CREBBP: variants seen among roughly 807,000 people sequenced by gnomAD.
CREBBP encodes the protein CREB-binding protein.
Under a neutral mutation model 265.0 loss-of-function variants are expected in CREBBP, and 19 were observed. The ratio of observed to expected loss-of-function variants is 0.07; its 90% CI spans 0.05 to 0.11. The LOEUF (loss-of-function observed/expected upper bound fraction) is 0.11. Ranked by LOEUF, CREBBP falls within the 10% of genes least tolerant of loss-of-function variation. The pLI, the probability that CREBBP is intolerant of heterozygous loss-of-function variation, is 1.00. For synonymous variants in CREBBP, 1,457 were observed against 1,223.7 expected (o/e 1.19, Z -3.98); for missense variants, 2,525 against 3,219.0 (o/e 0.78, Z 5.22).
Position 3,781,304 on chromosome 16 carries a change from T to G in CREBBP, c.1576A>C (p.Asn526His), listed in dbSNP as rs1161581600. The change falls in exon 7 of 31, where the codon AAT becomes CAT. Residue 526 changes from asparagine to histidine, a missense_variant and splice_region_variant. Coordinates refer to ENST00000262367, the MANE Select transcript of CREBBP (RefSeq NM_004380.3). ...CCTGCTGGAATGTTCATTGGATTAT[T>G]TCCTTTAAAGACAGAAAAGAAATCA... is the stretch of plus-strand genomic sequence containing the variant. ...QQMRTLNPLG[N>H]NPMNIPAGGI... is the part of the protein sequence containing the mutation. 2 of 1,612,834 alleles carry G rather than the reference T, an allele frequency of 1.2e-6. No homozygotes were observed. The highest frequency in any genetic ancestry group is 1.7e-6 in the Non-Finnish European group (2 of 1,179,090).
chr16:3,842,794 G>C (rs910898302), intron 2 of CREBBP, among the ~76,000 whole-genome samples: 5 of 151,674 alleles, frequency 3.3e-5, no homozygotes, highest in African/African-American at 1.2e-4. Context: ...GTGAAACCCC[G>C]TCTCTACTAA....
intron 2 of CREBBP, among the ~76,000 whole-genome samples, chr16:3,844,361 T>C (rs1036403056): frequency 6.6e-6 from 1 of 152,152 alleles, no homozygotes; most frequent in Non-Finnish European, 1.5e-5. Flanking sequence ...TTTGATATTA[T>C]AAAACCTACA....
Position 3,731,420 on chromosome 16 carries a change from G to A in CREBBP, c.4944C>T (p.Pro1648=), listed in dbSNP as rs375829291. The change falls in exon 30 of 31, where the codon CCC becomes CCT. Residue 1648 remains proline, a synonymous_variant. Coordinates refer to ENST00000262367, the MANE Select transcript of CREBBP (RefSeq NM_004380.3). The surrounding 1 kb of genome is among the most constrained non-coding windows in gnomAD (Gnocchi z 7.7). The part of the protein sequence containing the change: ...HAGPVINTLP[P]IVDPDPLLSC... Reference sequence around the variant, plus strand: ...TGAGCAGGGGGTCGGGGTCGACGATGGGGGGCAGGGTGTTGATGACAGGCC... The same window carrying A: ...TGAGCAGGGGGTCGGGGTCGACGATAGGGGGCAGGGTGTTGATGACAGGCC... 5.0e-6 allele frequency: 8 copies of A among 1,604,092 alleles called. No homozygotes were observed. The highest frequency in any genetic ancestry group is 1.1e-5 in the South Asian group (1 of 89,412).
In CREBBP at chr16:3,780,907, A is replaced by G. The variant is rs3213647; in HGVS notation, c.1677-29T>C. The G allele has an allele frequency of 1.4e-4, 221 of 1,611,844 alleles. 3 individuals carry two copies. The East Asian group carries it at 3.6e-3, about 26-fold the overall frequency. ...AGGAGGAAATAAAGACACTTCATCC[A>G]TCTACTGAAGTGACTCAAACACACT... is the stretch of plus-strand genomic sequence containing the variant. On this transcript the variant is annotated intron_variant, in intron 7 of 30. Transcript: ENST00000262367.
At chr16:3,843,631 G>C (rs2141458845) in intron 2 of CREBBP, among the ~76,000 whole-genome samples, 1 of 151,326 alleles carries the variant, frequency 6.6e-6, no homozygotes, top group East Asian at 2.0e-4. Flanking sequence ...ATGTTCACAG[G>C]CTGGTCTTGA....
At chr16:3,877,215 G>A (rs117680394) in intron 1 of CREBBP, among the ~76,000 whole-genome samples, 1,734 of 152,194 alleles carry the variant, frequency 0.011, 13 homozygotes, top group Non-Finnish European at 0.019. Context: ...GACACATCCC[G>A]TCACTAAAAT....
At chr16:3,769,048 C>A in intron 15 of CREBBP, 126 bp downstream of exon 15, 2 of 1,109,158 alleles carry the variant, frequency 1.8e-6, no homozygotes, top group South Asian at 2.6e-5. Context: ...AAACCCCGAA[C>A]CCACATTCAA....
intron 23 of CREBBP, chr16:3,740,890 T>C (rs2052187765): frequency 2.7e-6 from 1 of 375,862 alleles, no homozygotes; most frequent in South Asian, 2.1e-5. Flanking sequence ...TGCTTCCCGC[T>C]TTCCCTGGAG....
chr16:3,879,706 G>T, intron 1 of CREBBP, 126 bp downstream of exon 1: 1 of 1,018,366 alleles, frequency 9.8e-7, no homozygotes, highest in Non-Finnish European at 1.5e-6. Flanking sequence ...CGAGGGGAAC[G>T]GGCTGCGGGG....
At chr16:3,777,119 G>T (rs1010840739) in intron 11 of CREBBP, among the ~76,000 whole-genome samples, 3 of 151,874 alleles carry the variant, frequency 2.0e-5, no homozygotes, top group African/African-American at 7.3e-5. Flanking sequence ...GAGGTGGACG[G>T]ATCACGGAGA....
At chr16:3,734,539 G>A (rs1236611392) in intron 28 of CREBBP, among the ~76,000 whole-genome samples, 3 of 152,122 alleles carry the variant, frequency 2.0e-5, no homozygotes, top group Admixed American at 6.5e-5. Context: ...TCTCGGACGC[G>A]GTAACCTCCC....
At chr16:3,739,556 C>G (rs1057426123) in intron 25 of CREBBP, 22 bp downstream of exon 25, 19 of 1,614,044 alleles carry the variant, frequency 1.2e-5, no homozygotes, top group Non-Finnish European at 1.5e-5. Context: ...ATGACACGCC[C>G]TGGAAGGAGC....
chr16:3,753,626 C>T (rs565764080), intron 19 of CREBBP, among the ~76,000 whole-genome samples: 2 of 152,086 alleles, frequency 1.3e-5, no homozygotes, highest in East Asian at 1.9e-4. Flanking sequence ...TCCTAAAATC[C>T]GGTATGAAGA....
intron 30 of CREBBP, among the ~76,000 whole-genome samples, chr16:3,730,255 G>A (rs911512647): frequency 6.6e-6 from 1 of 152,140 alleles, no homozygotes; most frequent in African/African-American, 2.4e-5. Flanking sequence ...CCTTCCTTCC[G>A]ACTTCCTCTG....
rs975208548 is a variant in CREBBP, at chr16:3,726,498, C to G, written c.*1220G>C. 9.0e-5 allele frequency: 21 copies of G among 233,412 alleles called. No individual in the cohort carries two copies. Among genetic ancestry groups the G allele is most frequent in the Non-Finnish European group, 1.3e-4 (15 of 118,152 alleles). 14.5% of individuals were successfully genotyped at this position (233,412 alleles called of 1,614,324 possible). The stretch of plus-strand genomic sequence containing the variant: ...CCTGGGCCACAGTTCCCAGCCACCA[C>G]CCACGCCGCCACAACCACAACCGCA... On this transcript the variant is annotated 3_prime_UTR_variant, in exon 31 of 31. Transcript: ENST00000262367.
At chr16:3,798,604 T>C (rs76505886) in intron 3 of CREBBP, among the ~76,000 whole-genome samples, 2,482 of 152,260 alleles carry the variant, frequency 0.016, 127 homozygotes, top group Admixed American at 0.11. Context: ...ATTAGGGAAA[T>C]GCAAGTTAAG....
chr16:3,775,954 T>C (rs1567303778), intron 11 of CREBBP, among the ~76,000 whole-genome samples: 1 of 152,090 alleles, frequency 6.6e-6, no homozygotes, highest in African/African-American at 2.4e-5. Context: ...TTCGCTCTTG[T>C]TGCCCAGGCT....
At chr16:3,836,622 G>A (rs1237060176) in intron 2 of CREBBP, among the ~76,000 whole-genome samples, 1 of 152,010 alleles carries the variant, frequency 6.6e-6, no homozygotes, top group African/African-American at 2.4e-5. Flanking sequence ...TGCATTTCAT[G>A]CTATATAAAT....
intron 21 of CREBBP, among the ~76,000 whole-genome samples, chr16:3,747,067 C>G (rs1342153376): frequency 2.0e-5 from 3 of 152,142 alleles, no homozygotes; most frequent in Non-Finnish European, 4.4e-5. Context: ...GATGTCTCCC[C>G]TTCCCTCAGT....
Sources: gnomAD v4.1 joint callset for allele counts (sites outside exome capture counted in the v4.1 genomes callset) on GRCh38, gnomAD v4.1.1 for gene constraint, Gnocchi (gnomAD v3.1) non-coding constraint, MANE v1.5 for transcripts, NCBI Gene and HGNC (gene_info 2026-07-23, HGNC 2026-07-21) for gene names.